Variants in PTPRD observed in about 807,000 individuals in gnomAD.
PTPRD encodes protein tyrosine phosphatase receptor type D.
In PTPRD, 34 loss-of-function variants were observed where a neutral mutation model predicts 214.5. The observed-to-expected ratio is 0.16, with a 90% CI of 0.12 to 0.21. The LOEUF (loss-of-function observed/expected upper bound fraction) is 0.21. Ranked by LOEUF, PTPRD falls within the 10% of genes least tolerant of loss-of-function variation. The pLI is 1.00. For synonymous variants in PTPRD, 1,128 were observed against 845.7 expected, an observed-to-expected ratio of 1.33 and a Z score of -5.79; for missense variants, 2,545 against 2,398.7, an observed-to-expected ratio of 1.06 and a Z score of -1.27.
In PTPRD at chr9:9,769,317, C is replaced by CTTTTTT. The variant is rs34497562; in HGVS notation, c.-367-2472_-367-2467dup. Among the ~76,000 whole-genome samples the CTTTTTT allele has an allele frequency of 2.4e-4, 17 of 69,594 alleles. 1 individual carries two copies. Among genetic ancestry groups the CTTTTTT allele is most frequent in the South Asian group, 1.5e-3 (2 of 1,376 alleles). 45.7% of individuals were successfully genotyped at this position (69,594 alleles called of 152,430 possible). A position where few individuals can be genotyped will look rare whatever the true frequency, so the allele number is the denominator to read the frequency against. ...GTAAACTATGTTTTAACCAGAAGCC[C>CTTTTTT]TTTTTTTTTTTTTTTTTTTTTTTTT... On this transcript the variant is annotated intron_variant, in intron 5 of 45. Coordinates refer to ENST00000381196, the MANE Select transcript of PTPRD (RefSeq NM_002839.4).
intron 9 of PTPRD, among the ~76,000 whole-genome samples, chr9:9,238,547 A>G (rs1161591609): frequency 6.6e-6 from 1 of 151,996 alleles, no homozygotes; most frequent in Admixed American, 6.6e-5. Flanking sequence ...AGCTAAAGGG[A>G]TCTTAGAGTC....
At chr9:10,147,962 A>G (rs1170255743) in intron 3 of PTPRD, among the ~76,000 whole-genome samples, 2 of 152,220 alleles carry the variant, frequency 1.3e-5, no homozygotes, top group South Asian at 2.1e-4. Flanking sequence ...TGAGCCCATT[A>G]GAAAAGTGAA....
At chr9:9,164,593 A>C (rs1165387173) in intron 10 of PTPRD, among the ~76,000 whole-genome samples, 1 of 150,166 alleles carries the variant, frequency 6.7e-6, no homozygotes, top group Non-Finnish European at 1.5e-5. Context: ...CCTATTACAG[A>C]GCATAAAATC....
At chr9:9,811,513 C>G (rs998268158) in intron 5 of PTPRD, among the ~76,000 whole-genome samples, 1 of 152,106 alleles carries the variant, frequency 6.6e-6, no homozygotes, top group African/African-American at 2.4e-5. Context: ...CGAGACCATC[C>G]TGGCTGACAC....
At chr9:10,492,662 T>C (rs555909012) in intron 2 of PTPRD, among the ~76,000 whole-genome samples, 3 of 152,314 alleles carry the variant, frequency 2.0e-5, no homozygotes, top group African/African-American at 7.2e-5. Flanking sequence ...ATTCTGTAGG[T>C]TGCCTGTTCA....
At chr9:10,330,689 A>C (rs117868135) in intron 3 of PTPRD, among the ~76,000 whole-genome samples, 1 of 151,828 alleles carries the variant, frequency 6.6e-6, no homozygotes, top group Non-Finnish European at 1.5e-5. Flanking sequence ...TAAGTAGAGA[A>C]GTGGTAGTAA....
chr9:9,030,844 C>T (rs1485192876), intron 10 of PTPRD, among the ~76,000 whole-genome samples: 1 of 151,922 alleles, frequency 6.6e-6, no homozygotes, highest in African/African-American at 2.4e-5. Context: ...TACATGTTTA[C>T]ATGTCTATTT....
Position 9,099,163 on chromosome 9 carries a change from G to T in PTPRD, c.-142-80428C>A, listed in dbSNP as rs1185115042. Among the ~76,000 whole-genome samples the T allele has an allele frequency of 2.0e-5, 3 of 152,206 alleles. No individual in the cohort carries two copies. In the East Asian group the frequency reaches 5.8e-4, roughly 29 times the overall value. ...AAAAGACAATACAGTGGTAAACACA[G>T]AGCAGGCCATGTACACATTTATTAG... On this transcript the variant is annotated intron_variant, in intron 10 of 45. Transcript: ENST00000381196.
chr9:9,426,652 C>G (rs1031500495), intron 8 of PTPRD, among the ~76,000 whole-genome samples: 2 of 152,198 alleles, frequency 1.3e-5, no homozygotes, highest in Admixed American at 1.3e-4. Context: ...TGGAAGGCAC[C>G]TCCCAGTAGG....
At chr9:8,634,933 T>C (rs2096381321) in intron 13 of PTPRD, among the ~76,000 whole-genome samples, 1 of 151,460 alleles carries the variant, frequency 6.6e-6, no homozygotes, top group Non-Finnish European at 1.5e-5. Context: ...ATTTCATGCC[T>C]GCCATGGACC....
At chr9:9,588,454 G>T (rs1465107825) in intron 7 of PTPRD, among the ~76,000 whole-genome samples, 1 of 151,922 alleles carries the variant, frequency 6.6e-6, no homozygotes, top group Non-Finnish European at 1.5e-5. Context: ...AGGGGGTAAT[G>T]AAAGTCATAG....
At chr9:10,349,010 A>T (rs2097137534) in intron 2 of PTPRD, among the ~76,000 whole-genome samples, 1 of 152,156 alleles carries the variant, frequency 6.6e-6, no homozygotes, top group Admixed American at 6.5e-5. Flanking sequence ...GACATAGGAC[A>T]GAACTCAGAG....
At chr9:8,929,948 T>C (rs2098940013) in intron 11 of PTPRD, among the ~76,000 whole-genome samples, 1 of 150,318 alleles carries the variant, frequency 6.7e-6, no homozygotes, top group Non-Finnish European at 1.5e-5. Flanking sequence ...TATATGTGTG[T>C]GTGTGTATAT....
At chr9:10,061,488 T>C (rs2097776836) in intron 3 of PTPRD, among the ~76,000 whole-genome samples, 1 of 152,094 alleles carries the variant, frequency 6.6e-6, no homozygotes, top group African/African-American at 2.4e-5. Context: ...TGGTAGCTTT[T>C]TTCTCAGCTC....
chr9:9,137,349 T>C (rs565278275), intron 10 of PTPRD, among the ~76,000 whole-genome samples: 18 of 152,210 alleles, frequency 1.2e-4, no homozygotes, highest in Admixed American at 5.2e-4. Flanking sequence ...TTGGTCTGTC[T>C]TGAAAACCTT....
At chr9:9,336,449 C>A (rs2044518202) in intron 9 of PTPRD, among the ~76,000 whole-genome samples, 1 of 152,106 alleles carries the variant, frequency 6.6e-6, no homozygotes, top group Non-Finnish European at 1.5e-5. Context: ...ATCTTGATGT[C>A]CAACCAGGTG....
chr9:8,826,336 C>G (rs1004814741), intron 11 of PTPRD, among the ~76,000 whole-genome samples: 7 of 152,166 alleles, frequency 4.6e-5, no homozygotes, highest in Admixed American at 6.5e-5. Context: ...CACCCCTCAG[C>G]CTACAATCCC....
intron 8 of PTPRD, among the ~76,000 whole-genome samples, chr9:9,433,687 A>G (rs898366050): frequency 6.6e-5 from 10 of 152,188 alleles, no homozygotes; most frequent in African/African-American, 2.4e-4. Flanking sequence ...ACACAGATAC[A>G]TTTCTGAAAA....
At chr9:9,372,391 C>A (rs536472362) in intron 9 of PTPRD, among the ~76,000 whole-genome samples, 1 of 152,094 alleles carries the variant, frequency 6.6e-6, no homozygotes, top group Non-Finnish European at 1.5e-5. Context: ...CTCTTTTGAT[C>A]TTTGTTGGTT....
Sources: gnomAD v4.1 joint callset for allele counts (sites outside exome capture counted in the v4.1 genomes callset) on GRCh38, gnomAD v4.1.1 for gene constraint, MANE v1.5 for transcripts, NCBI Gene and HGNC (gene_info 2026-07-23, HGNC 2026-07-21) for gene names.